SGCZ: variants seen among roughly 807,000 people sequenced by gnomAD.
The protein encoded by SGCZ is zeta-sarcoglycan.
A neutral mutation model predicts 41.3 loss-of-function variants in SGCZ; 40 were observed. That is an observed-to-expected ratio of 0.97 (90% confidence interval 0.75 to 1.26). SGCZ has a LOEUF of 1.26. Ranked by LOEUF, SGCZ falls within the 50% of genes most tolerant of loss-of-function variation. The probability of loss-of-function intolerance (pLI) is 0.00; values close to 1 mark genes in which losing one functional copy is unlikely to be tolerated. For synonymous variants in SGCZ, 206 were observed against 137.5 expected, an observed-to-expected ratio of 1.50 and a Z score of -3.49; for missense variants, 552 against 369.8, an observed-to-expected ratio of 1.49 and a Z score of -4.04.
At chr8:14,676,282 G>A (rs1221441890) in intron 1 of SGCZ, among the ~76,000 whole-genome samples, 1 of 152,052 alleles carries the variant, frequency 6.6e-6, no homozygotes, top group East Asian at 1.9e-4. Context: ...GATCTCTTAA[G>A]GCCAGGAGTT....
At chr8:14,609,375 G>C (rs1805854835) in intron 1 of SGCZ, among the ~76,000 whole-genome samples, 1 of 152,036 alleles carries the variant, frequency 6.6e-6, no homozygotes, top group East Asian at 1.9e-4. Flanking sequence ...AAGTTTCCAA[G>C]TAATCTATCT....
intron 5 of SGCZ, among the ~76,000 whole-genome samples, chr8:14,142,732 A>G (rs1803408580): frequency 6.6e-6 from 1 of 152,112 alleles, no homozygotes; most frequent in African/African-American, 2.4e-5. Context: ...TGACGAGGCC[A>G]TGGAGGTGGC....
At chr8:14,558,345 C>A (rs1563409882) in intron 1 of SGCZ, among the ~76,000 whole-genome samples, 3 of 151,990 alleles carry the variant, frequency 2.0e-5, no homozygotes, top group Non-Finnish European at 4.4e-5. Context: ...GAAGCCAAGG[C>A]AGGTGGATCA....
intron 2 of SGCZ, among the ~76,000 whole-genome samples, chr8:14,377,612 C>G (rs1163848487): frequency 6.6e-6 from 1 of 151,558 alleles, no homozygotes; most frequent in African/African-American, 2.4e-5. Context: ...ATGTGCCATG[C>G]TGGTGTGCTG....
chr8:15,223,985 G>C (rs191527004), intron 1 of SGCZ, among the ~76,000 whole-genome samples: 322 of 152,184 alleles, frequency 2.1e-3, no homozygotes, highest in African/African-American at 7.4e-3. Flanking sequence ...CTTCCCAGTA[G>C]CTGGGATTAC....
intron 1 of SGCZ, among the ~76,000 whole-genome samples, chr8:15,023,713 G>C (rs569765177): frequency 6.6e-6 from 1 of 152,298 alleles, no homozygotes; most frequent in Admixed American, 6.5e-5. Flanking sequence ...TGGAGAATTT[G>C]AGAATAATCT....
intron 1 of SGCZ, among the ~76,000 whole-genome samples, chr8:15,053,021 CA>C (rs1366172113): frequency 2.0e-5 from 3 of 152,148 alleles, no homozygotes; most frequent in Non-Finnish European, 4.4e-5. Flanking sequence ...AGAACAACTT[CA>C]AAATCCAGCA....
chr8:14,352,433 T>TGTA lies in SGCZ; in HGVS notation c.235-28232_235-28230dup, dbSNP rs1803134079. On this transcript the variant is annotated intron_variant, in intron 2 of 7. Transcript: ENST00000382080. ...TAAAGAAAGGGAAGAAATAAGTTTG[T>TGTA]GTAGTTTTATAAAAGCCAAGAAAAT... Among the ~76,000 whole-genome samples, 3 of 152,164 alleles carry TGTA rather than the reference T, an allele frequency of 2.0e-5. No individual in the cohort carries two copies. In the South Asian group the frequency reaches 6.2e-4, roughly 32 times the overall value.
intron 1 of SGCZ, among the ~76,000 whole-genome samples, chr8:14,906,501 T>A (rs909533311): frequency 2.1e-4 from 32 of 152,206 alleles, no homozygotes; most frequent in African/African-American, 7.2e-4. Context: ...TATTGTTTTA[T>A]ATATTTTTTC....
At chr8:15,028,912 G>T (rs1418986489) in intron 1 of SGCZ, among the ~76,000 whole-genome samples, 1 of 151,994 alleles carries the variant, frequency 6.6e-6, no homozygotes, top group Admixed American at 6.6e-5. Flanking sequence ...TAAAGACCAG[G>T]TTGCAAACAT....
chr8:15,235,932 G>C (rs549597508), intron 1 of SGCZ, among the ~76,000 whole-genome samples: 18 of 152,146 alleles, frequency 1.2e-4, no homozygotes, highest in Non-Finnish European at 2.5e-4. Flanking sequence ...GGGATGCTTG[G>C]GAAAGAGAAG....
In SGCZ at chr8:14,104,741, A is replaced by G. The variant is rs79040426; in HGVS notation, c.621-2242T>C. Reference sequence around the variant, plus strand: ...TTCCTTGAATATATTAATGATGTGTATTTATTAATGATGTGTATTAGAGCT... The same window carrying G: ...TTCCTTGAATATATTAATGATGTGTGTTTATTAATGATGTGTATTAGAGCT... On this transcript the variant is annotated intron_variant, in intron 6 of 7. Transcript: ENST00000382080. Among the ~76,000 whole-genome samples, 216 of 151,884 alleles carry G rather than the reference A, an allele frequency of 1.4e-3. 4 individuals are homozygous for G. In the East Asian group the frequency reaches 0.038, roughly 27 times the overall value.
At chr8:14,539,258 A>C (rs965432667) in intron 2 of SGCZ, among the ~76,000 whole-genome samples, 3 of 151,954 alleles carry the variant, frequency 2.0e-5, no homozygotes, top group Admixed American at 1.3e-4. Context: ...CTCTAATACA[A>C]AACCATGTGA....
rs1585453123 is a variant in SGCZ, at chr8:14,997,695, C to G, written c.39+239890G>C. ...ATAGTCCTGGCAGGGTGCAGTGGCT[C>G]ACACCCATAATCCCAGCACTTTTGG... On this transcript the variant is annotated intron_variant, in intron 1 of 7. Coordinates refer to ENST00000382080, the MANE Select transcript of SGCZ (RefSeq NM_139167.4). Among the ~76,000 whole-genome samples the G allele has an allele frequency of 2.0e-5, 3 of 152,290 alleles. No homozygotes were observed. The East Asian group carries it at 5.8e-4, about 29-fold the overall frequency.
At chr8:15,108,426 G>T (rs1395274994) in intron 1 of SGCZ, among the ~76,000 whole-genome samples, 2 of 152,138 alleles carry the variant, frequency 1.3e-5, no homozygotes, top group African/African-American at 4.8e-5. Flanking sequence ...TCCATTTGTT[G>T]CATAGGAATT....
intron 1 of SGCZ, among the ~76,000 whole-genome samples, chr8:15,110,050 T>C (rs1238160742): frequency 1.3e-5 from 2 of 152,214 alleles, no homozygotes; most frequent in Admixed American, 6.5e-5. Context: ...TAGTTAATTA[T>C]TCAGAGACAT....
At chr8:14,592,909 G>A (rs1805285280) in intron 1 of SGCZ, among the ~76,000 whole-genome samples, 1 of 152,144 alleles carries the variant, frequency 6.6e-6, no homozygotes, top group Admixed American at 6.5e-5. Context: ...TAGCTCACTG[G>A]TATGAATCCA....
intron 1 of SGCZ, among the ~76,000 whole-genome samples, chr8:15,007,045 G>C (rs905364087): frequency 6.6e-6 from 1 of 152,172 alleles, no homozygotes; most frequent in Non-Finnish European, 1.5e-5. Flanking sequence ...ACTTAGACTA[G>C]TATATTTAAC....
intron 1 of SGCZ, among the ~76,000 whole-genome samples, chr8:14,867,750 C>A (rs890025011): frequency 2.6e-5 from 4 of 152,014 alleles, no homozygotes; most frequent in African/African-American, 4.8e-5. Flanking sequence ...ACAACACACA[C>A]TGGGGCCTCT....
Sources: gnomAD v4.1 joint callset for allele counts (sites outside exome capture counted in the v4.1 genomes callset) on GRCh38, gnomAD v4.1.1 for gene constraint, MANE v1.5 for transcripts, NCBI Gene and HGNC (gene_info 2026-07-23, HGNC 2026-07-21) for gene names.